RELN: variants seen among roughly 807,000 people sequenced by gnomAD.
RELN encodes reelin.
RELN carries 108 observed loss-of-function variants against 427.6 expected under a neutral mutation model. The observed-to-expected ratio is 0.25, with a 90% CI of 0.22 to 0.30. RELN has a LOEUF of 0.30. RELN is among the 10% of genes least tolerant of loss of function. The pLI, the probability that RELN is intolerant of heterozygous loss-of-function variation, is 1.00. For synonymous variants in RELN, 1,524 were observed against 1,513.4 expected, an observed-to-expected ratio of 1.01 and a Z score of -0.16; for missense variants, 3,715 against 4,302.8, an observed-to-expected ratio of 0.86 and a Z score of 3.82.
At chr7:103,689,036 C>T (rs1353239145) in intron 10 of RELN, among the ~76,000 whole-genome samples, 1 of 152,084 alleles carries the variant, frequency 6.6e-6, no homozygotes, top group Non-Finnish European at 1.5e-5. Context: ...AACTTAGTTA[C>T]TCTAAATCCT....
At chr7:103,714,368 G>A (rs188514158) in intron 8 of RELN, among the ~76,000 whole-genome samples, 26 of 152,290 alleles carry the variant, frequency 1.7e-4, no homozygotes, top group Admixed American at 1.2e-3. Flanking sequence ...GGAATACAGA[G>A]TTCAAGACAA....
At chr7:103,878,979 A>G (rs1794546739) in intron 2 of RELN, among the ~76,000 whole-genome samples, 1 of 152,202 alleles carries the variant, frequency 6.6e-6, no homozygotes, top group South Asian at 2.1e-4. Flanking sequence ...TAACAAAGTG[A>G]ACCTCAGGCT....
At chr7:103,766,876 C>T (rs1452966400) in intron 4 of RELN, among the ~76,000 whole-genome samples, 1 of 152,224 alleles carries the variant, frequency 6.6e-6, no homozygotes, top group East Asian at 1.9e-4. Flanking sequence ...TTCCTCCTGA[C>T]ATAAAACGTT....
rs943386188 is a variant in RELN at position 103,769,821 on chromosome 7, T to A, written c.544+6736A>T. Among the ~76,000 whole-genome samples the A allele has an allele frequency of 5.3e-5, 8 of 152,320 alleles. No individual in the cohort carries two copies. The East Asian group carries it at 1.5e-3, about 29-fold the overall frequency. ...ACACATCTATTTCTTAATCATGTTG[T>A]CTCAACACAGACACAACTTTAGCAC... On this transcript the variant is annotated intron_variant, in intron 4 of 64. Coordinates refer to ENST00000428762, the MANE Select transcript of RELN (RefSeq NM_005045.4).
chr7:103,932,939 G>A (rs1273049740), intron 1 of RELN, among the ~76,000 whole-genome samples: 2 of 152,220 alleles, frequency 1.3e-5, no homozygotes, highest in Non-Finnish European at 2.9e-5. Context: ...ACGTGCTAGA[G>A]CTGCTGGGCT....
intron 11 of RELN, among the ~76,000 whole-genome samples, chr7:103,669,574 T>A: frequency 6.6e-6 from 1 of 152,134 alleles, no homozygotes; most frequent in South Asian, 2.1e-4. Flanking sequence ...ATTATATAGT[T>A]CCTGACTCTC....
intron 2 of RELN, among the ~76,000 whole-genome samples, chr7:103,855,422 A>G (rs888623434): frequency 2.6e-5 from 4 of 152,228 alleles, no homozygotes; most frequent in Admixed American, 6.5e-5. Context: ...AGAAAGTAAA[A>G]TAGTAGTGGC....
chr7:103,523,805 G>A (rs1226519209), intron 46 of RELN, among the ~76,000 whole-genome samples: 1 of 152,010 alleles, frequency 6.6e-6, no homozygotes, highest in Non-Finnish European at 1.5e-5. Context: ...AGCCTCCCGA[G>A]TAGCTGGGAT....
rs528701238 is a variant in RELN, at chr7:103,936,969, A to T, written c.227-19784T>A. Among the ~76,000 whole-genome samples the T allele has an allele frequency of 2.0e-5, 3 of 152,342 alleles. No homozygotes were observed. The South Asian group carries it at 6.2e-4, about 32-fold the overall frequency. ...TTATTTCATTTGTTCTTTTAAAAAA[A>T]TTGGTTACCATGTTCACCTTGAGCT... On this transcript the variant is annotated intron_variant, in intron 1 of 64. Coordinates refer to ENST00000428762, the MANE Select transcript of RELN (RefSeq NM_005045.4).
chr7:103,716,905 C>G (rs1455408894), intron 8 of RELN, among the ~76,000 whole-genome samples: 1 of 152,054 alleles, frequency 6.6e-6, no homozygotes, highest in Non-Finnish European at 1.5e-5. Flanking sequence ...TTTGAGAGAC[C>G]ATTTGGTCTA....
intron 3 of RELN, among the ~76,000 whole-genome samples, chr7:103,795,633 C>G (rs763086659): frequency 6.6e-6 from 1 of 152,148 alleles, no homozygotes; most frequent in Non-Finnish European, 1.5e-5. Context: ...ATTTCAGGAA[C>G]TTCACTACTT....
intron 20 of RELN, among the ~76,000 whole-genome samples, chr7:103,619,022 G>T (rs530248551): frequency 6.6e-6 from 1 of 152,050 alleles, no homozygotes; most frequent in Non-Finnish European, 1.5e-5. Flanking sequence ...GGAGGCTGAG[G>T]CAGGAGAATG....
intron 59 of RELN, 52 bp from the exon 60 acceptor site, chr7:103,489,951 G>T (rs1321829207): frequency 3.1e-6 from 5 of 1,605,422 alleles, no homozygotes; most frequent in Non-Finnish European, 8.5e-7. Context: ...TACTTCCATG[G>T]CTGCATCCTG....
chr7:103,730,717 G>A (rs1238090607), intron 6 of RELN, among the ~76,000 whole-genome samples: 1 of 152,080 alleles, frequency 6.6e-6, no homozygotes, highest in East Asian at 1.9e-4. Context: ...GCTTCACCAA[G>A]GACTGATGGG....
At chr7:103,741,197 G>A (rs1420924757) in intron 6 of RELN, among the ~76,000 whole-genome samples, 2 of 152,010 alleles carry the variant, frequency 1.3e-5, no homozygotes, top group Admixed American at 6.6e-5. Context: ...AACAAACTGG[G>A]GCTTTGTTAG....
intron 11 of RELN, among the ~76,000 whole-genome samples, chr7:103,677,254 A>G (rs28784650): frequency 0.087 from 12,310 of 141,742 alleles, 904 homozygotes; most frequent in African/African-American, 0.18. Flanking sequence ...ATACACTAGG[A>G]TCTGTGGGGG....
At chr7:103,695,664 C>T (rs1029970038) in intron 10 of RELN, among the ~76,000 whole-genome samples, 17 of 152,048 alleles carry the variant, frequency 1.1e-4, no homozygotes, top group Non-Finnish European at 1.5e-4. Flanking sequence ...AAAGGGTACT[C>T]AGACCAAATG....
intron 20 of RELN, among the ~76,000 whole-genome samples, chr7:103,619,598 C>A (rs546926196): frequency 6.6e-6 from 1 of 152,330 alleles, no homozygotes; most frequent in African/African-American, 2.4e-5. Context: ...AATGAGTCTT[C>A]ATTTTGCCCA....
rs145496134 is a variant in RELN at position 103,594,531 on chromosome 7, A to C, written c.3540-39T>G. ...AATCATTTACGGTTGGGAAAACAAA[A>C]GCTGTGCTTTTTTTTTTTCAGCTAT... On this transcript the variant is annotated intron_variant, in intron 25 of 64. Transcript: ENST00000428762. 862 of 1,592,820 alleles carry C rather than the reference A, an allele frequency of 5.4e-4. 3 individuals carry two copies. In the African/African-American group the frequency reaches 9.9e-3, roughly 18 times the overall value.
Sources: gnomAD v4.1 joint callset for allele counts (sites outside exome capture counted in the v4.1 genomes callset) on GRCh38, gnomAD v4.1.1 for gene constraint, MANE v1.5 for transcripts, NCBI Gene and HGNC (gene_info 2026-07-23, HGNC 2026-07-21) for gene names.